JAK1: variants seen among roughly 807,000 people sequenced by gnomAD.
JAK1 encodes tyrosine-protein kinase JAK1.
In JAK1, 16 loss-of-function variants were observed where a neutral mutation model predicts 136.6. That is an observed-to-expected ratio of 0.12 (90% CI 0.08 to 0.18). The LOEUF is 0.18. Among genes scored for constraint, JAK1 ranks in the 10% least tolerant of loss-of-function variants. The probability of loss-of-function intolerance (pLI) is 1.00; values close to 1 mark genes in which losing one functional copy is unlikely to be tolerated. For missense variants in JAK1, 859 were observed against 1,450.1 expected (o/e 0.59, Z 6.62); for synonymous variants, 492 against 519.5 (o/e 0.95, Z 0.72).
At chr1:64,979,179 TGAG>T (rs1302677350) in intron 2 of JAK1, among the ~76,000 whole-genome samples, 1 of 152,132 alleles carries the variant, frequency 6.6e-6, no homozygotes, top group East Asian at 1.9e-4. Flanking sequence ...GAGGATCACT[TGAG>T]GAGTTTAAGA....
chr1:64,843,516 T>C (rs1168154821), intron 17 of JAK1, among the ~76,000 whole-genome samples: 1 of 152,172 alleles, frequency 6.6e-6, no homozygotes, highest in South Asian at 2.1e-4. Context: ...ATGAGGGTAA[T>C]GACACCATCC....
At chr1:64,861,701 A>AG (rs1656354934) in intron 8 of JAK1, among the ~76,000 whole-genome samples, 1 of 152,184 alleles carries the variant, frequency 6.6e-6, no homozygotes, top group South Asian at 2.1e-4. Flanking sequence ...ACTCGGCAGG[A>AG]GGGAGGTCAG....
chr1:65,036,364 G>A (rs562113564), intron 2 of JAK1, among the ~76,000 whole-genome samples: 4 of 152,138 alleles, frequency 2.6e-5, no homozygotes, highest in African/African-American at 9.6e-5. Context: ...GAGCCCAGGA[G>A]TTTGAGGCTG....
chr1:65,055,282 A>T (rs1647481233), intron 1 of JAK1, among the ~76,000 whole-genome samples: 1 of 152,108 alleles, frequency 6.6e-6, no homozygotes, highest in Non-Finnish European at 1.5e-5. Flanking sequence ...GGCTTATTTC[A>T]CTTAGCATGG....
chr1:64,979,267 G>A (rs1227033769), intron 2 of JAK1, among the ~76,000 whole-genome samples: 2 of 152,162 alleles, frequency 1.3e-5, no homozygotes, highest in Non-Finnish European at 2.9e-5. Context: ...ATGTACAATG[G>A]TGTGCAGCTA....
intron 1 of JAK1, among the ~76,000 whole-genome samples, chr1:65,059,342 T>TA (rs534565612): frequency 1.8e-4 from 27 of 152,208 alleles, no homozygotes; most frequent in Non-Finnish European, 3.8e-4. Flanking sequence ...CTTTTTGTTT[T>TA]AGTTTTCTCA....
intron 1 of JAK1, among the ~76,000 whole-genome samples, chr1:64,904,686 T>C (rs1441500346): frequency 2.6e-5 from 4 of 152,176 alleles, no homozygotes; most frequent in East Asian, 3.9e-4. Flanking sequence ...TGACTTAATA[T>C]ACCAGATTCT....
At chr1:64,854,584 G>A (rs1046396333) in intron 11 of JAK1, among the ~76,000 whole-genome samples, 13 of 152,022 alleles carry the variant, frequency 8.6e-5, no homozygotes, top group Non-Finnish European at 1.6e-4. Flanking sequence ...TGACCTCTAC[G>A]TGTCTTTCCA....
At chr1:64,955,441 T>C (rs1010763226) in intron 1 of JAK1, among the ~76,000 whole-genome samples, 13 of 152,240 alleles carry the variant, frequency 8.5e-5, no homozygotes, top group Admixed American at 2.0e-4. Context: ...ACGGGAAAAG[T>C]GCATTAAATG....
At position 64,981,870 on chromosome 1, in the gene JAK1, C is replaced by T. The variant is rs892995053; in HGVS notation, c.-78+62610G>A. 5.5e-4 allele frequency among the ~76,000 whole-genome samples: 83 copies of T among 152,158 alleles called. 6 individuals carry two copies. Among genetic ancestry groups the T allele is most frequent in the Non-Finnish European group, 2.9e-5 (2 of 68,034 alleles). ...CTCACACTCCAGGATAATAATGCCC[C>T]TTTAGAGATATTCAAATTTTCATCA... On this transcript the variant is annotated intron_variant, in intron 2 of 25. Coordinates refer to the JAK1 transcript ENST00000671954.
chr1:64,928,792 A>AAAAAAAAAAAAC (rs1553170032), intron 1 of JAK1, among the ~76,000 whole-genome samples: 1 of 125,500 alleles, frequency 8.0e-6, no homozygotes, highest in Non-Finnish European at 1.5e-5. Context: ...AAAAAAAAAA[A>AAAAAAAAAAAAC]AAAACAAAAA....
chr1:64,958,885 T>C (rs927051551), intron 1 of JAK1, among the ~76,000 whole-genome samples: 1 of 152,228 alleles, frequency 6.6e-6, no homozygotes, highest in African/African-American at 2.4e-5. Context: ...GTTGCATTCA[T>C]TACAAATGGT....
At chr1:64,934,698 C>T (rs1281743380) in intron 1 of JAK1, among the ~76,000 whole-genome samples, 2 of 152,176 alleles carry the variant, frequency 1.3e-5, no homozygotes, top group African/African-American at 2.4e-5. Flanking sequence ...CTCATCTTTC[C>T]GGTGAAGTCC....
intron 1 of JAK1, among the ~76,000 whole-genome samples, chr1:64,937,870 G>GAGAATGTCAAAATCTTCTTTTTT (rs1557707425): frequency 6.6e-6 from 1 of 151,982 alleles, no homozygotes; most frequent in East Asian, 1.9e-4. Flanking sequence ...TTCTTGAACA[G>GAGAATGTCAAAATCTTCTTTTTT]AGAATGTCAA....
chr1:64,860,982 T>TGTGTGTGTGTGTG (rs1656295869), intron 8 of JAK1, among the ~76,000 whole-genome samples: 1 of 83,430 alleles, frequency 1.2e-5, no homozygotes, highest in Non-Finnish European at 2.4e-5. Context: ...GTGTGTGTGT[T>TGTGTGTGTGTGTG]GGGGGTGACG....
At chr1:64,926,477 T>C (rs1645584879) in intron 1 of JAK1, among the ~76,000 whole-genome samples, 2 of 150,238 alleles carry the variant, frequency 1.3e-5, no homozygotes, top group Admixed American at 6.7e-5. Flanking sequence ...CTTACCCCTG[T>C]CCTCCTTACA....
chr1:64,886,172 A>G, intron 2 of JAK1, 87 bp downstream of exon 2: 1 of 824,490 alleles, frequency 1.2e-6, no homozygotes, highest in Non-Finnish European at 2.0e-6. Context: ...AATAGCACCA[A>G]TAGCCCTACA....
At chr1:64,989,617 T>C (rs901028117) in intron 2 of JAK1, 11 of 152,048 alleles carry the variant, frequency 7.2e-5, no homozygotes, top group African/African-American at 2.4e-4. Context: ...CTAACCCAGA[T>C]TGGAAAAGCA....
At chr1:64,926,265 C>T (rs969248578) in intron 1 of JAK1, among the ~76,000 whole-genome samples, 4 of 152,124 alleles carry the variant, frequency 2.6e-5, no homozygotes, top group Non-Finnish European at 4.4e-5. Flanking sequence ...TGAGTACACA[C>T]TAGATCTTTG....
Sources: gnomAD v4.1 joint callset for allele counts (sites outside exome capture counted in the v4.1 genomes callset) on GRCh38, gnomAD v4.1.1 for gene constraint, MANE v1.5 for transcripts, NCBI Gene and HGNC (gene_info 2026-07-23, HGNC 2026-07-21) for gene names.